Variants in KANK1 observed in about 807,000 individuals in gnomAD.
KANK1 encodes KN motif and ankyrin repeat domains 1.
KANK1 carries 109 observed loss-of-function variants against 106.2 expected under a neutral mutation model. The observed-to-expected ratio is 1.03, with a 90% CI of 0.88 to 1.20. The LOEUF (loss-of-function observed/expected upper bound fraction) is 1.20, where lower values mean the gene tolerates loss of function less well. KANK1 is among the 50% of genes most tolerant of loss of function. KANK1 has a pLI of 0.00. For synonymous variants in KANK1, 873 were observed against 652.2 expected, an observed-to-expected ratio of 1.34 and a Z score of -5.16; for missense variants, 2,399 against 1,710.7, an observed-to-expected ratio of 1.40 and a Z score of -7.10.
intron 1 of KANK1, among the ~76,000 whole-genome samples, chr9:653,056 C>G (rs1841277297): frequency 2.0e-5 from 3 of 152,178 alleles, no homozygotes; most frequent in Admixed American, 2.0e-4. Context: ...GTCCTGCTGA[C>G]TCATACACAG....
intron 3 of KANK1, among the ~76,000 whole-genome samples, chr9:474,968 C>G (rs1170530972): frequency 6.6e-6 from 1 of 152,270 alleles, no homozygotes; most frequent in African/African-American, 2.4e-5. Flanking sequence ...GAGGGCCCCC[C>G]ACCCTGACCA....
At chr9:556,794 CT>C (rs1157707213) in intron 1 of KANK1, among the ~76,000 whole-genome samples, 1 of 152,064 alleles carries the variant, frequency 6.6e-6, no homozygotes, top group African/African-American at 2.4e-5. Context: ...CAATTTAATT[CT>C]TTTAGTTGAA....
intron 1 of KANK1, among the ~76,000 whole-genome samples, chr9:662,928 C>T (rs1843683916): frequency 6.6e-6 from 1 of 152,194 alleles, no homozygotes; most frequent in Non-Finnish European, 1.5e-5. Flanking sequence ...TCCCAAAGTC[C>T]TAGGATTACA....
intron 1 of KANK1, among the ~76,000 whole-genome samples, chr9:643,873 T>A (rs62530088): frequency 0.14 from 20,662 of 150,352 alleles, 1,952 homozygotes; most frequent in Admixed American, 0.17. Context: ...CGGCTAATTT[T>A]TGTATTTTTG....
intron 1 of KANK1, 80 bp from the exon 2 acceptor site, chr9:676,810 C>G (rs1034971145): frequency 1.6e-6 from 1 of 606,886 alleles, no homozygotes; most frequent in Non-Finnish European, 3.0e-6. Flanking sequence ...TAGCAGTCAT[C>G]TTTGTAAACA....
At chr9:732,919 T>C (rs576718130) in intron 6 of KANK1, 67 of 214,532 alleles carry the variant, frequency 3.1e-4, no homozygotes, top group African/African-American at 1.5e-3. Flanking sequence ...TACCTTATAT[T>C]TAAAGACATT....
At chr9:566,451 T>C (rs938483159) in intron 1 of KANK1, among the ~76,000 whole-genome samples, 4 of 152,226 alleles carry the variant, frequency 2.6e-5, no homozygotes, top group African/African-American at 9.6e-5. Flanking sequence ...TCCACAGTGG[T>C]TGAACTAATT....
intron 1 of KANK1, among the ~76,000 whole-genome samples, chr9:592,226 T>C (rs1381828728): frequency 6.6e-6 from 1 of 151,778 alleles, no homozygotes; most frequent in Non-Finnish European, 1.5e-5. Context: ...AAAGGTTAGA[T>C]AATAAGGGGA....
chr9:494,552 C>CG (rs1345938204), intron 3 of KANK1, among the ~76,000 whole-genome samples: 142 of 152,286 alleles, frequency 9.3e-4, no homozygotes, highest in African/African-American at 3.3e-3. Flanking sequence ...AGGCATTGTG[C>CG]TACCATCTTG....
At chr9:562,085 G>A (rs1173756377) in intron 1 of KANK1, among the ~76,000 whole-genome samples, 8 of 116,470 alleles carry the variant, frequency 6.9e-5, no homozygotes, top group South Asian at 2.8e-4. Context: ...TCGCTCTGTC[G>A]CCCAGGCCGG....
chr9:541,003 T>C (rs990885454), intron 1 of KANK1, among the ~76,000 whole-genome samples: 5 of 152,180 alleles, frequency 3.3e-5, no homozygotes, highest in Admixed American at 1.3e-4. Flanking sequence ...TTCTAATTCC[T>C]TGAGGTGTAA....
chr9:555,442 C>T (rs1370766193), intron 1 of KANK1, among the ~76,000 whole-genome samples: 4 of 152,182 alleles, frequency 2.6e-5, no homozygotes, highest in Non-Finnish European at 2.9e-5. Flanking sequence ...ATGGCATAGT[C>T]ACTATACTGC....
Position 745,221 on chromosome 9 carries a change from G to A in KANK1, c.4045G>A (p.Gly1349Ser), listed in dbSNP as rs773374326. 6.2e-7 allele frequency: 1 copy of A among 1,613,922 alleles called. No homozygotes were observed. Among genetic ancestry groups the A allele is most frequent in the Admixed American group, 1.7e-5 (1 of 59,982 alleles). Residue 1349 changes from glycine (G) to serine (S), a missense_variant, in exon 12 of 12, where the codon GGT (glycine) becomes AGT (serine). Transcript: ENST00000382297. ...RKTSPGPTHRGSFD is the reference protein window; with the variant it reads ...RKTSPGPTHRSSFD ...GACGTCTCCTGGCCCCACCCACCGA[G>A]GTTCATTTGATTGATTGTATGCAAA...
chr9:501,657 T>G (rs1356033675), upstream of KANK1, among the ~76,000 whole-genome samples: 1 of 151,782 alleles, frequency 6.6e-6, no homozygotes, highest in Non-Finnish European at 1.5e-5. Context: ...TTGCTTGATA[T>G]GATATCGATT....
At position 514,133 on chromosome 9, in the gene KANK1, TC is replaced by T. The variant is rs1379243543; in HGVS notation, c.-84+9382del. Among the ~76,000 whole-genome samples, 66 of 73,518 alleles carry T rather than the reference TC, an allele frequency of 9.0e-4. 9 individuals carry two copies. Among genetic ancestry groups the T allele is most frequent in the African/African-American group, 5.2e-3 (62 of 11,824 alleles). 48.2% of individuals were successfully genotyped at this position (73,518 alleles called of 152,430 possible). A position where few individuals can be genotyped will look rare whatever the true frequency, so the allele number is the denominator to read the frequency against. On this transcript the variant is annotated intron_variant, in intron 1 of 11. Transcript: ENST00000382297. ...CTCTCTTCCTCCCTCTCTCTCTCCCTCCCTCCCTCCCTTCCTCTCTCCCTCC... is the reference window on the plus strand; with the variant it reads ...CTCTCTTCCTCCCTCTCTCTCTCCCTCCTCCCTCCCTTCCTCTCTCCCTCC...
chr9:613,329 C>G (rs543123902), intron 1 of KANK1, among the ~76,000 whole-genome samples: 1 of 151,028 alleles, frequency 6.6e-6, no homozygotes, highest in Non-Finnish European at 1.5e-5. Flanking sequence ...CTGTAACAAT[C>G]GTTGCTGGAG....
intron 1 of KANK1, among the ~76,000 whole-genome samples, chr9:629,668 C>A (rs181888729): frequency 6.6e-6 from 1 of 152,310 alleles, no homozygotes; most frequent in East Asian, 1.9e-4. Context: ...CAGAGGAGAT[C>A]TCAAACAACT....
upstream of KANK1, among the ~76,000 whole-genome samples, chr9:503,008 T>A (rs1351210442): frequency 7.8e-6 from 1 of 128,618 alleles, no homozygotes; most frequent in African/African-American, 4.1e-5. Flanking sequence ...CTGATTTTTT[T>A]TTTTTTTTTT....
At position 527,513 on chromosome 9, in the gene KANK1, C is replaced by G. The variant is rs567426420; in HGVS notation, c.-84+22759C>G. Among the ~76,000 whole-genome samples, 249 of 151,504 alleles carry G rather than the reference C, an allele frequency of 1.6e-3. 11 individuals carry two copies. Among genetic ancestry groups the G allele is most frequent in the African/African-American group, 5.6e-3 (230 of 40,934 alleles). On this transcript the variant is annotated intron_variant, in intron 1 of 11. Coordinates refer to ENST00000382297, the MANE Select transcript of KANK1 (RefSeq NM_015158.5). ...ATGGGGTTTCACTATGTTGGCCAGG[C>G]TAGTCTTGAACTCCTGACCTCAGGT...
Sources: allele counts gnomAD v4.1 joint callset (sites outside exome capture counted in the v4.1 genomes callset), GRCh38; gene constraint gnomAD v4.1.1; transcripts MANE v1.5; gene names NCBI Gene and HGNC (gene_info 2026-07-23, HGNC 2026-07-21).